RBFOX1: variants seen among roughly 807,000 people sequenced by gnomAD.
RBFOX1 encodes RNA binding protein fox-1 homolog 1.
In RBFOX1, 8 loss-of-function variants were observed where a neutral mutation model predicts 57.7. The observed-to-expected ratio is 0.14, with a 90% CI of 0.08 to 0.25. RBFOX1 has a LOEUF of 0.25. Ranked by LOEUF, RBFOX1 falls within the 10% of genes least tolerant of loss-of-function variation. The pLI, the probability that RBFOX1 is intolerant of heterozygous loss-of-function variation, is 1.00. For missense variants in RBFOX1, 611 were observed against 548.5 expected, an observed-to-expected ratio of 1.11 and a Z score of -1.14; for synonymous variants, 326 against 222.4, an observed-to-expected ratio of 1.47 and a Z score of -4.15.
intron 1 of RBFOX1, among the ~76,000 whole-genome samples, chr16:5,366,904 A>G (rs1299283361): frequency 1.3e-5 from 2 of 152,210 alleles, no homozygotes; most frequent in Admixed American, 1.3e-4. Flanking sequence ...CTTAAGTATG[A>G]ATGGAATGTT....
chr16:7,664,681 G>A lies in RBFOX1; in HGVS notation c.891-248G>A, dbSNP rs568212887. 84 of 571,356 alleles carry A rather than the reference G, an allele frequency of 1.5e-4. No homozygotes were observed. The African/African-American group carries it at 1.6e-3, about 11-fold the overall frequency. The allele number at this position is 571,356 out of a possible 1,614,324, so 35.4% of individuals were successfully genotyped here. On this transcript the variant is annotated intron_variant, in intron 12 of 15. Transcript: ENST00000550418. ...TCTGTACCCACTCCTGAGAGAGTGGGAAGTTTGGGACCTAGCACACCGCCA... is the reference window on the plus strand; with the variant it reads ...TCTGTACCCACTCCTGAGAGAGTGGAAAGTTTGGGACCTAGCACACCGCCA...
At position 6,088,141 on chromosome 16, in the gene RBFOX1, AACC is replaced by A. The variant is rs1404968220; in HGVS notation, c.-127+68150_-127+68152del. Among the ~76,000 whole-genome samples the A allele has an allele frequency of 4.6e-5, 7 of 152,102 alleles. No individual in the cohort carries two copies. The East Asian group carries it at 1.3e-3, about 29-fold the overall frequency. On this transcript the variant is annotated intron_variant, in intron 1 of 15. Coordinates refer to ENST00000550418, the MANE Select transcript of RBFOX1 (RefSeq NM_018723.4). Reference sequence around the variant, plus strand: ...TCATCATCTGTAACGGTGGCCATAGAACCTATTCTGATTTACTCTACCAGAAAA... The same window carrying A: ...TCATCATCTGTAACGGTGGCCATAGATATTCTGATTTACTCTACCAGAAAA...
chr16:5,505,784 G>C (rs182319366), intron 2 of RBFOX1, among the ~76,000 whole-genome samples: 1 of 152,182 alleles, frequency 6.6e-6, no homozygotes, highest in Admixed American at 6.5e-5. Context: ...TTGGAGGGCT[G>C]CTTGGGGATA....
At chr16:6,103,977 C>T (rs1010432341) in intron 1 of RBFOX1, among the ~76,000 whole-genome samples, 1 of 152,172 alleles carries the variant, frequency 6.6e-6, no homozygotes. Flanking sequence ...TCTGTGGTCT[C>T]AGCTTATTGT....
At chr16:6,879,751 G>A (rs2062548067) in intron 3 of RBFOX1, among the ~76,000 whole-genome samples, 2 of 152,150 alleles carry the variant, frequency 1.3e-5, no homozygotes, top group Non-Finnish European at 2.9e-5. Flanking sequence ...ACTTAACAGT[G>A]TTCCTGGCTG....
At chr16:6,803,198 G>A (rs1001669209) in intron 3 of RBFOX1, among the ~76,000 whole-genome samples, 3 of 152,018 alleles carry the variant, frequency 2.0e-5, no homozygotes, top group African/African-American at 7.2e-5. Context: ...ATTGAAAATA[G>A]TCGAAAATGT....
At chr16:5,689,344 T>C (rs8049787) in intron 3 of RBFOX1, among the ~76,000 whole-genome samples, 34,847 of 152,208 alleles carry the variant, frequency 0.23, 5,496 homozygotes, top group East Asian at 0.81. Flanking sequence ...AGATAACATA[T>C]ATGCAGGGCA....
chr16:6,935,939 C>T (rs1320625325), intron 3 of RBFOX1, among the ~76,000 whole-genome samples: 2 of 152,000 alleles, frequency 1.3e-5, no homozygotes, highest in Admixed American at 1.3e-4. Flanking sequence ...CAATCTGTGC[C>T]GATGTGTGAA....
chr16:7,698,197 T>C (rs958526905), intron 14 of RBFOX1, among the ~76,000 whole-genome samples: 26 of 144,766 alleles, frequency 1.8e-4, no homozygotes, highest in African/African-American at 6.7e-4. Flanking sequence ...TGTGTGTGTG[T>C]GTGTGTGTGT....
intron 4 of RBFOX1, among the ~76,000 whole-genome samples, chr16:7,476,401 A>G (rs912200153): frequency 2.5e-4 from 38 of 152,364 alleles, no homozygotes; most frequent in African/African-American, 8.4e-4. Flanking sequence ...GATGATATCT[A>G]TATAACACGC....
chr16:6,792,044 A>C (rs984747853), intron 3 of RBFOX1, among the ~76,000 whole-genome samples: 19 of 152,164 alleles, frequency 1.2e-4, no homozygotes, highest in Non-Finnish European at 4.4e-5. Flanking sequence ...TTTACCCTGA[A>C]TTGCGTTTCA....
intron 3 of RBFOX1, among the ~76,000 whole-genome samples, chr16:6,787,377 C>A (rs758009506): frequency 1.3e-5 from 2 of 152,116 alleles, no homozygotes; most frequent in African/African-American, 2.4e-5. Context: ...TATGCAGAAA[C>A]GGTGAAATGA....
chr16:7,227,376 T>C (rs1162043969), intron 4 of RBFOX1, among the ~76,000 whole-genome samples: 1 of 147,356 alleles, frequency 6.8e-6, no homozygotes, highest in African/African-American at 2.4e-5. Flanking sequence ...GCTCACTGCA[T>C]AATCCTCCTC....
intron 1 of RBFOX1, among the ~76,000 whole-genome samples, chr16:5,265,050 T>C (rs942260280): frequency 3.3e-5 from 5 of 152,030 alleles, no homozygotes; most frequent in African/African-American, 1.2e-4. Context: ...AAGTTCCTTC[T>C]TACCAAAAAG....
At chr16:5,431,733 A>C (rs1335258784) in intron 1 of RBFOX1, among the ~76,000 whole-genome samples, 1 of 152,192 alleles carries the variant, frequency 6.6e-6, no homozygotes, top group South Asian at 2.1e-4. Flanking sequence ...ACCCATAGTC[A>C]TGCAGAAGAT....
chr16:7,199,171 T>A (rs921352216), intron 4 of RBFOX1, among the ~76,000 whole-genome samples: 1 of 152,192 alleles, frequency 6.6e-6, no homozygotes, highest in Non-Finnish European at 1.5e-5. Flanking sequence ...GGATGGATTT[T>A]TATGGCAATG....
At chr16:6,697,434 G>C (rs1000192985) in intron 3 of RBFOX1, among the ~76,000 whole-genome samples, 2 of 152,152 alleles carry the variant, frequency 1.3e-5, no homozygotes, top group African/African-American at 4.8e-5. Context: ...CTGGCTCATA[G>C]GAAACAGCCC....
At chr16:7,291,741 G>C (rs925608317) in intron 4 of RBFOX1, among the ~76,000 whole-genome samples, 1 of 151,844 alleles carries the variant, frequency 6.6e-6, no homozygotes, top group Non-Finnish European at 1.5e-5. Flanking sequence ...TGCAGCCTGT[G>C]AGGAGAGGTC....
chr16:7,195,181 G>C (rs2086394780), intron 4 of RBFOX1, among the ~76,000 whole-genome samples: 2 of 152,170 alleles, frequency 1.3e-5, no homozygotes, highest in Non-Finnish European at 2.9e-5. Context: ...GCCATATTAG[G>C]AGTTGGGGTG....
Sources: gnomAD v4.1 joint callset for allele counts (sites outside exome capture counted in the v4.1 genomes callset) on GRCh38, gnomAD v4.1.1 for gene constraint, MANE v1.5 for transcripts, NCBI Gene and HGNC (gene_info 2026-07-23, HGNC 2026-07-21) for gene names.